ARHGAP35: variants seen among roughly 807,000 people sequenced by gnomAD.
ARHGAP35 encodes the protein Rho GTPase activating protein 35, also known as rho GTPase-activating protein 35.
In ARHGAP35, 15 loss-of-function variants were observed where a neutral mutation model predicts 111.1. That is an observed-to-expected ratio of 0.13 (90% CI 0.09 to 0.21). ARHGAP35 has a LOEUF of 0.21. Ranked by LOEUF, ARHGAP35 falls within the 10% of genes least tolerant of loss-of-function variation. The probability of loss-of-function intolerance (pLI) is 1.00; values close to 1 mark genes in which losing one functional copy is unlikely to be tolerated. For synonymous variants in ARHGAP35, 643 were observed against 710.3 expected (o/e 0.91, Z 1.51); for missense variants, 1,262 against 1,873.0 (o/e 0.67, Z 6.02).
Position 46,920,685 on chromosome 19 carries a change from G to T in ARHGAP35, c.2010G>T (p.Ser670=), listed in dbSNP as rs955717525. The T allele has an allele frequency of 3.1e-6, 5 of 1,613,736 alleles. No homozygotes were observed. The highest frequency in any genetic ancestry group is 1.7e-5 in the Admixed American group (1 of 59,996). ...GCLCLYNSKE[S]LSYVVESIEK... ...TCTGCCTTTACAATTCAAAGGAATCGCTATCCTATGTAGTGGAAAGTATAG... is the reference window on the plus strand; with the variant it reads ...TCTGCCTTTACAATTCAAAGGAATCTCTATCCTATGTAGTGGAAAGTATAG... The change falls in exon 2 of 7, where the codon TCG becomes TCT. Residue 670 remains serine, a synonymous_variant. Transcript: ENST00000672722. The surrounding 1 kb of genome is among the most constrained non-coding windows in gnomAD (Gnocchi z 7.0).
At chr19:46,961,869 G>A (rs1375867368) in intron 3 of ARHGAP35, among the ~76,000 whole-genome samples, 2 of 152,138 alleles carry the variant, frequency 1.3e-5, no homozygotes, top group Non-Finnish European at 2.9e-5. Context: ...GGCAGAAGTT[G>A]CAGTGAGCCG....
intron 2 of ARHGAP35, among the ~76,000 whole-genome samples, chr19:46,923,261 T>C (rs1372619561): frequency 6.6e-6 from 1 of 152,130 alleles, no homozygotes; most frequent in Admixed American, 6.5e-5. Context: ...CCCGCCACCG[T>C]GCCCAGCTAA....
intron 3 of ARHGAP35, among the ~76,000 whole-genome samples, chr19:46,940,458 G>A (rs1168951856): frequency 1.3e-5 from 2 of 151,958 alleles, no homozygotes; most frequent in South Asian, 2.1e-4. Flanking sequence ...AACCCAGAAG[G>A]CAGTGGTTGG....
intron 1 of ARHGAP35, among the ~76,000 whole-genome samples, chr19:46,864,429 G>A (rs1343509116): frequency 6.6e-6 from 1 of 152,140 alleles, no homozygotes; most frequent in African/African-American, 2.4e-5. Context: ...TAGGGCAATT[G>A]TATATTAAAG....
intron 1 of ARHGAP35, among the ~76,000 whole-genome samples, chr19:46,910,967 A>G (rs994543569): frequency 2.0e-5 from 3 of 152,098 alleles, no homozygotes; most frequent in Non-Finnish European, 2.9e-5. Flanking sequence ...TGGCCTCCCA[A>G]ACTGCTGGGA....
intron 1 of ARHGAP35, among the ~76,000 whole-genome samples, chr19:46,885,934 A>G (rs1253085727): frequency 6.6e-6 from 1 of 152,118 alleles, no homozygotes; most frequent in East Asian, 1.9e-4. Context: ...ACCCAGCTAT[A>G]AATAGATTTT....
Position 46,993,480 on chromosome 19 carries a change from CTTTG to C in ARHGAP35, c.4036+3810_4036+3813del, listed in dbSNP as rs1293446543. On this transcript the variant is annotated intron_variant, in intron 5 of 6. Transcript: ENST00000672722. This position sits in a 1 kb window ranked among gnomAD's most constrained non-coding sequence, Gnocchi z 4.6. Reference sequence around the variant, plus strand: ...TTTGGGAACAGGGTCTCTGCCGCCACTTTGTTTGACCTTGGACCGGTATTCTGGC... The same window carrying C: ...TTTGGGAACAGGGTCTCTGCCGCCACTTTGACCTTGGACCGGTATTCTGGC... Among the ~76,000 whole-genome samples the C allele has an allele frequency of 2.0e-5, 3 of 152,236 alleles. No homozygotes were observed. The highest frequency in any genetic ancestry group is 4.4e-5 in the Non-Finnish European group (3 of 68,042).
At chr19:46,898,250 A>T (rs541523265) in intron 1 of ARHGAP35, among the ~76,000 whole-genome samples, 1 of 152,168 alleles carries the variant, frequency 6.6e-6, no homozygotes, top group Non-Finnish European at 1.5e-5. Context: ...CAAAAAAAAA[A>T]AAAAACAAAA....
chr19:46,921,347 G>T lies in ARHGAP35; in HGVS notation c.2672G>T (p.Gly891Val). ...ATTCAGCTTGTAGCACTCACTGATGGCGCTGTAGATGTCCTGGACAATGAC... is the reference window on the plus strand; with the variant it reads ...ATTCAGCTTGTAGCACTCACTGATGTCGCTGTAGATGTCCTGGACAATGAC... The part of the protein sequence containing the change: ...IPIQLVALTD[G>V]AVDVLDNDLS... The change falls in exon 2 of 7, where the codon GGC becomes GTC. Residue 891 changes from glycine to valine, a missense_variant. This residue lies in a region of ARHGAP35 where 579 missense variants were observed against 716.9 expected (regional missense o/e 0.81). Coordinates refer to ENST00000672722, the MANE Select transcript of ARHGAP35 (RefSeq NM_004491.5). The surrounding 1 kb of genome is among the most constrained non-coding windows in gnomAD (Gnocchi z 4.3). The T allele has an allele frequency of 1.2e-6, 2 of 1,613,936 alleles. No homozygotes were observed. The highest frequency in any genetic ancestry group is 1.7e-6 in the Non-Finnish European group (2 of 1,179,876).
intron 2 of ARHGAP35, among the ~76,000 whole-genome samples, chr19:46,927,191 G>C (rs2056243498): frequency 6.6e-6 from 1 of 152,198 alleles, no homozygotes; most frequent in South Asian, 2.1e-4. Context: ...CATTCTTTTA[G>C]GAAGGAGACA....
chr19:46,963,149 G>A (rs1384731432), intron 3 of ARHGAP35, among the ~76,000 whole-genome samples: 1 of 152,198 alleles, frequency 6.6e-6, no homozygotes, highest in Admixed American at 6.5e-5. Context: ...CCTGATGGGA[G>A]ATTCTCAGCG....
chr19:46,961,360 G>A (rs1008403759), intron 3 of ARHGAP35, among the ~76,000 whole-genome samples: 2 of 152,110 alleles, frequency 1.3e-5, no homozygotes, highest in Admixed American at 1.3e-4. Context: ...CCTCAGAATG[G>A]AATAGGCAGA....
intron 1 of ARHGAP35, among the ~76,000 whole-genome samples, chr19:46,913,434 C>G (rs570084553): frequency 2.0e-5 from 3 of 152,062 alleles, no homozygotes; most frequent in South Asian, 2.1e-4. Flanking sequence ...ACTTCTTGCC[C>G]TGAGTGTTTC....
intron 3 of ARHGAP35, among the ~76,000 whole-genome samples, chr19:46,968,667 G>A (rs760084234): frequency 3.9e-5 from 6 of 152,198 alleles, no homozygotes; most frequent in African/African-American, 9.7e-5. Context: ...AAGTAGTGAC[G>A]TGCTACAGAT....
intron 1 of ARHGAP35, among the ~76,000 whole-genome samples, chr19:46,896,131 C>T (rs1051122875): frequency 4.6e-5 from 7 of 151,948 alleles, no homozygotes; most frequent in African/African-American, 1.7e-4. Context: ...AAGCCCAGCA[C>T]AGTGGCTCAC....
At chr19:46,957,894 A>G (rs1054570795) in intron 3 of ARHGAP35, among the ~76,000 whole-genome samples, 2 of 152,210 alleles carry the variant, frequency 1.3e-5, no homozygotes, top group African/African-American at 4.8e-5. Flanking sequence ...GGGAATAGGT[A>G]TAGAAGGAGG....
At chr19:46,866,111 G>A (rs376282339) in intron 1 of ARHGAP35, among the ~76,000 whole-genome samples, 5 of 152,272 alleles carry the variant, frequency 3.3e-5, no homozygotes, top group African/African-American at 1.2e-4. Context: ...AAAATGCAGA[G>A]ATTACAGGCA....
chr19:46,987,953 G>T, intron 3 of ARHGAP35, 36 bp from the exon 4 acceptor site: 5 of 1,607,120 alleles, frequency 3.1e-6, no homozygotes, highest in Non-Finnish European at 4.3e-6. Context: ...CTGCTCTCCA[G>T]TTCCTGCTCC....
chr19:46,989,429 C>T lies in ARHGAP35; in HGVS notation c.3905-115C>T. 7.2e-7 allele frequency: 1 copy of T among 1,390,190 alleles called. No homozygotes were observed. The highest frequency in any genetic ancestry group is 9.8e-7 in the Non-Finnish European group (1 of 1,021,046). The allele number at this position is 1,390,190 out of a possible 1,614,324, so 86.1% of individuals were successfully genotyped here. ...CCCACCCCTCCAATCCTTGCCAGTCCTGAGGCCGTCTCTGGCTCCTTGAGG... is the reference window on the plus strand; with the variant it reads ...CCCACCCCTCCAATCCTTGCCAGTCTTGAGGCCGTCTCTGGCTCCTTGAGG... On this transcript the variant is annotated intron_variant, in intron 4 of 6. Coordinates refer to ENST00000672722, the MANE Select transcript of ARHGAP35 (RefSeq NM_004491.5). This position sits in a 1 kb window ranked among gnomAD's most constrained non-coding sequence, Gnocchi z 5.3.
Sources: allele counts gnomAD v4.1 joint callset (sites outside exome capture counted in the v4.1 genomes callset), GRCh38; gene constraint gnomAD v4.1.1; regional missense constraint gnomAD v4.1.1; non-coding constraint Gnocchi (gnomAD v3.1); transcripts MANE v1.5; gene names NCBI Gene and HGNC (gene_info 2026-07-23, HGNC 2026-07-21).